TENM2: variants seen among roughly 807,000 people sequenced by gnomAD.
TENM2 encodes the protein teneurin transmembrane protein 2.
In TENM2, 52 loss-of-function variants were observed where a neutral mutation model predicts 245.2. The ratio of observed to expected loss-of-function variants is 0.21; its 90% CI spans 0.17 to 0.27. The LOEUF is 0.27. Ranked by LOEUF, TENM2 falls within the 10% of genes least tolerant of loss-of-function variation. TENM2 has a pLI of 1.00. For synonymous variants in TENM2, 1,363 were observed against 1,438.9 expected (o/e 0.95, Z 1.19); for missense variants, 3,046 against 3,666.8 (o/e 0.83, Z 4.37).
At chr5:168,203,554 C>A (rs555235804) in intron 17 of TENM2, 135 bp from the exon 20 acceptor site, 2 of 799,154 alleles carry the variant, frequency 2.5e-6, no homozygotes, top group South Asian at 6.2e-5. Context: ...AATCAGCCTG[C>A]CTCTTTGAGT....
intron 2 of TENM2, among the ~76,000 whole-genome samples, chr5:167,383,458 C>T (rs1056154854): frequency 2.6e-5 from 4 of 152,110 alleles, no homozygotes; most frequent in African/African-American, 7.2e-5. Flanking sequence ...CACAGAAGAA[C>T]TCTTGCCTCT....
chr5:167,067,325 C>G, the TENM2 span, among the ~76,000 whole-genome samples: 1 of 151,786 alleles, frequency 6.6e-6, no homozygotes, highest in African/African-American at 2.4e-5. Flanking sequence ...TTTTTTGAAG[C>G]CTTTGAACAT....
At chr5:167,362,465 A>G (rs752593268) in intron 1 of TENM2, among the ~76,000 whole-genome samples, 11 of 152,234 alleles carry the variant, frequency 7.2e-5, no homozygotes, top group Non-Finnish European at 1.3e-4. Flanking sequence ...ACCTGCTGAT[A>G]GACTGTGATC....
the TENM2 span, among the ~76,000 whole-genome samples, chr5:167,187,615 A>G: frequency 6.6e-6 from 1 of 152,130 alleles, no homozygotes; most frequent in African/African-American, 2.4e-5. Flanking sequence ...TCTCCTCCCT[A>G]TGATGTGACT....
intron 1 of TENM2, chr5:167,297,457 G>T (rs1561843721): frequency 6.6e-6 from 1 of 152,176 alleles, no homozygotes; most frequent in East Asian, 1.9e-4. Context: ...GTTTTAATTT[G>T]AGTACCTGGC....
At chr5:167,564,496 T>C (rs141421751) in intron 2 of TENM2, among the ~76,000 whole-genome samples, 2 of 152,214 alleles carry the variant, frequency 1.3e-5, no homozygotes, top group Non-Finnish European at 2.9e-5. Flanking sequence ...CTGGCTTACA[T>C]TGTAAAAGAA....
At chr5:168,173,283 G>A (rs1759021450) in intron 13 of TENM2, among the ~76,000 whole-genome samples, 1 of 152,158 alleles carries the variant, frequency 6.6e-6, no homozygotes, top group Admixed American at 6.5e-5. Context: ...AGCAGGCAGG[G>A]CAGACCTGAG....
chr5:168,155,504 A>G (rs910149509), intron 12 of TENM2, among the ~76,000 whole-genome samples: 3 of 152,046 alleles, frequency 2.0e-5, no homozygotes, highest in Non-Finnish European at 2.9e-5. Context: ...GCACCTCATA[A>G]TTGCCCTTAG....
At chr5:167,353,486 T>C (rs71603829) in intron 1 of TENM2, among the ~76,000 whole-genome samples, 262 of 17,480 alleles carry the variant, frequency 0.015, 4 homozygotes, top group Admixed American at 0.018. Flanking sequence ...ATGGTGTTTT[T>C]TGTTGTTGTT....
chr5:167,538,924 A>G (rs970454057), intron 2 of TENM2, among the ~76,000 whole-genome samples: 14 of 152,136 alleles, frequency 9.2e-5, no homozygotes, highest in African/African-American at 3.1e-4. Flanking sequence ...CTGGTTCTTA[A>G]ACCTTTCCCA....
chr5:167,544,478 A>G (rs2052510), intron 2 of TENM2, among the ~76,000 whole-genome samples: 9,296 of 152,276 alleles, frequency 0.061, 748 homozygotes, highest in Admixed American at 0.21. Context: ...TCAATTGTGT[A>G]AAGGGATGTT....
At chr5:168,007,315 G>T (rs1784899515) in intron 5 of TENM2, among the ~76,000 whole-genome samples, 1 of 152,130 alleles carries the variant, frequency 6.6e-6, no homozygotes, top group Non-Finnish European at 1.5e-5. Context: ...TTTTAGTAGA[G>T]ACGTGGTTTC....
At chr5:167,222,759 T>C in the TENM2 span, among the ~76,000 whole-genome samples, 14 of 152,176 alleles carry the variant, frequency 9.2e-5, no homozygotes, top group Non-Finnish European at 1.9e-4. Context: ...TCTGTTGCTG[T>C]TTATGTTCAC....
intron 2 of TENM2, among the ~76,000 whole-genome samples, chr5:167,817,387 T>C (rs1767141351): frequency 6.6e-6 from 1 of 152,220 alleles, no homozygotes; most frequent in Non-Finnish European, 1.5e-5. Flanking sequence ...TATTTAACTA[T>C]ATCATTAGAG....
chr5:167,548,488 T>C (rs941292002), intron 2 of TENM2, among the ~76,000 whole-genome samples: 3 of 152,092 alleles, frequency 2.0e-5, no homozygotes, highest in African/African-American at 7.2e-5. Context: ...GCAATGTTTG[T>C]AAAGCACAAT....
intron 2 of TENM2, among the ~76,000 whole-genome samples, chr5:167,602,370 G>A (rs1776697981): frequency 6.6e-6 from 1 of 152,090 alleles, no homozygotes. Context: ...AAGACAGAAC[G>A]ATGACGTGTG....
intron 2 of TENM2, among the ~76,000 whole-genome samples, chr5:167,807,870 G>A (rs535199670): frequency 9.4e-4 from 143 of 152,234 alleles, no homozygotes; most frequent in African/African-American, 3.4e-3. Context: ...GGTCACACCC[G>A]TACCAGTGAA....
chr5:168,143,749 G>A (rs1755764548), intron 12 of TENM2, among the ~76,000 whole-genome samples: 1 of 151,638 alleles, frequency 6.6e-6, no homozygotes, highest in Non-Finnish European at 1.5e-5. Flanking sequence ...GAAAGGAGAA[G>A]GTGGGGCAAG....
upstream of TENM2, among the ~76,000 whole-genome samples, chr5:167,283,415 G>A (rs146514030): frequency 5.3e-5 from 8 of 152,254 alleles, no homozygotes; most frequent in Admixed American, 2.6e-4. Context: ...CAGTGTACAC[G>A]TAGTATAGAT....
Sources: allele counts gnomAD v4.1 joint callset (sites outside exome capture counted in the v4.1 genomes callset), GRCh38; gene constraint gnomAD v4.1.1; transcripts MANE v1.5; gene names NCBI Gene and HGNC (gene_info 2026-07-23, HGNC 2026-07-21).